The following STC2 variants were observed in gnomAD, a reference collection of about 807,000 sequenced individuals.
The protein encoded by STC2 is stanniocalcin-2.
In STC2, 7 loss-of-function variants were observed where a neutral mutation model predicts 22.7. The ratio of observed to expected loss-of-function variants is 0.31; its 90% CI spans 0.18 to 0.58. STC2 has a LOEUF of 0.58. STC2 is among the 20% of genes least tolerant of loss of function. STC2 has a pLI of 0.89. For missense variants in STC2, 336 were observed against 406.2 expected (o/e 0.83, Z 1.48); for synonymous variants, 158 against 163.4 (o/e 0.97, Z 0.25).
In STC2 at chr5:173,326,028, T is replaced by C; in HGVS notation, c.152-18A>G. On this transcript the variant is annotated intron_variant, in intron 1 of 3. Transcript: ENST00000265087. ...GATCTCCGCTAAAAGGAAAATCACA[T>C]ACAAATATATACAAAACTCTAACCC... is the stretch of plus-strand genomic sequence containing the variant. 1.2e-6 allele frequency: 2 copies of C among 1,612,948 alleles called. No individual in the cohort carries two copies. Among genetic ancestry groups the C allele is most frequent in the Non-Finnish European group, 1.7e-6 (2 of 1,179,036 alleles).
intron 2 of STC2, among the ~76,000 whole-genome samples, chr5:173,324,829 G>C (rs1037311612): frequency 2.6e-5 from 4 of 152,154 alleles, no homozygotes; most frequent in Non-Finnish European, 5.9e-5. Flanking sequence ...CCTAATTCCC[G>C]TTAATCCAGA....
chr5:173,325,889 G>A lies in STC2; in HGVS notation c.273C>T (p.Asn91=), dbSNP rs748039896. 14 of 1,614,168 alleles carry A rather than the reference G, an allele frequency of 8.7e-6. No homozygotes were observed. The highest frequency in any genetic ancestry group is 1.1e-5 in the Non-Finnish European group (13 of 1,180,040). Residue 91 remains asparagine, a synonymous_variant, in exon 2 of 4, where the codon AAC becomes AAT. Transcript: ENST00000265087. This position sits in a 1 kb window ranked among gnomAD's most constrained non-coding sequence, Gnocchi z 4.7. ...LHGICMTFLH[N]AGKFDAQGKS... ...TTACCTGGGCATCAAATTTTCCAGC[G>A]TTGTGCAGAAAAGTCATGCAAATCC...
intron 3 of STC2, among the ~76,000 whole-genome samples, chr5:173,321,771 G>A (rs1762489063): frequency 6.6e-6 from 1 of 152,160 alleles, no homozygotes; most frequent in South Asian, 2.1e-4. Flanking sequence ...GATAACCCAT[G>A]TAAAGGCCCT....
intron 3 of STC2, among the ~76,000 whole-genome samples, chr5:173,319,279 C>T (rs965247926): frequency 1.3e-5 from 2 of 152,234 alleles, no homozygotes; most frequent in African/African-American, 4.8e-5. Context: ...AATGGGCTCT[C>T]ATGGGCCACT....
Position 173,328,324 on chromosome 5 carries a change from C to T in STC2, c.-131G>A, listed in dbSNP as rs1025275361. ...CCTTTTTGCTCGCCTTTTCCCTCCT[C>T]CTCGCGGCCGCGGCTCGGATAGAGG... On this transcript the variant is annotated 5_prime_UTR_variant, in exon 1 of 4. Coordinates refer to ENST00000265087, the MANE Select transcript of STC2 (RefSeq NM_003714.3). 5.6e-6 allele frequency: 6 copies of T among 1,078,860 alleles called. No individual in the cohort carries two copies. Among genetic ancestry groups the T allele is most frequent in the Non-Finnish European group, 7.4e-6 (6 of 806,256 alleles). 66.8% of individuals were successfully genotyped at this position (1,078,860 alleles called of 1,614,324 possible).
chr5:173,326,042 A>G (rs766693155), intron 1 of STC2, 32 bp from the exon 2 acceptor site: 2 of 1,611,942 alleles, frequency 1.2e-6, no homozygotes, highest in Admixed American at 1.7e-5. Flanking sequence ...AATATATACA[A>G]AACTCTAACC....
In STC2 at chr5:173,315,816, C is replaced by CA. The variant is rs1313694723; in HGVS notation, c.*2030dup. 6.6e-6 allele frequency: 1 copy of CA among 152,222 alleles called. No individual in the cohort carries two copies. Among genetic ancestry groups the CA allele is most frequent in the Non-Finnish European group, 1.5e-5 (1 of 68,052 alleles). The allele number at this position is 152,222 out of a possible 1,614,324, so 9.4% of individuals were successfully genotyped here. A position where few individuals can be genotyped will look rare whatever the true frequency, so the allele number is the denominator to read the frequency against. ...AAGGGCAGAGCTGGATTAAGTGCAC[C>CA]AGCTCTTCTGTTCTCTGCAGCCCCA... On this transcript the variant is annotated 3_prime_UTR_variant, in exon 4 of 4. Coordinates refer to ENST00000265087, the MANE Select transcript of STC2 (RefSeq NM_003714.3).
rs1762405035 is a variant in STC2, at chr5:173,315,150, C to T, written c.*2697G>A. ...AACACTAAATCTTTATTTGGAGATC[C>T]ACATCCTTCCTCAAAGGAAGGCTCA... is the stretch of plus-strand genomic sequence containing the variant. On this transcript the variant is annotated 3_prime_UTR_variant, in exon 4 of 4. Transcript: ENST00000265087. 1 of 151,874 alleles carries T rather than the reference C, an allele frequency of 6.6e-6. No individual in the cohort carries two copies. Among genetic ancestry groups the T allele is most frequent in the African/African-American group, 2.4e-5 (1 of 41,288 alleles). The allele number at this position is 151,874 out of a possible 1,614,324, so 9.4% of individuals were successfully genotyped here.
At chr5:173,327,118 C>T (rs1412995606) in intron 1 of STC2, among the ~76,000 whole-genome samples, 1 of 152,152 alleles carries the variant, frequency 6.6e-6, no homozygotes, top group African/African-American at 2.4e-5. Flanking sequence ...CCGTAAGACC[C>T]CACGCGCCGC....
At chr5:173,322,421 C>T (rs1352888780) in intron 3 of STC2, among the ~76,000 whole-genome samples, 1 of 152,196 alleles carries the variant, frequency 6.6e-6, no homozygotes, top group Non-Finnish European at 1.5e-5. Flanking sequence ...AGAAATGATG[C>T]ATCCTGAATT....
At position 173,315,840 on chromosome 5, in the gene STC2, C is replaced by T. The variant is rs1762414182; in HGVS notation, c.*2007G>A. 1 of 152,270 alleles carries T rather than the reference C, an allele frequency of 6.6e-6. No individual in the cohort carries two copies. The highest frequency in any genetic ancestry group is 6.5e-5 in the Admixed American group (1 of 15,288). 9.4% of individuals were successfully genotyped at this position (152,270 alleles called of 1,614,324 possible). On this transcript the variant is annotated 3_prime_UTR_variant, in exon 4 of 4. Coordinates refer to ENST00000265087, the MANE Select transcript of STC2 (RefSeq NM_003714.3). ...CCAGCTCTTCTGTTCTCTGCAGCCC[C>T]AGATCTTGCTGGGTGCCCAGGGAGC...
At position 173,328,328 on chromosome 5, in the gene STC2, G is replaced by A; in HGVS notation, c.-135C>T. 9.8e-7 allele frequency: 1 copy of A among 1,023,496 alleles called. No homozygotes were observed. The highest frequency in any genetic ancestry group is 1.3e-6 in the Non-Finnish European group (1 of 758,890). The allele number at this position is 1,023,496 out of a possible 1,614,324, so 63.4% of individuals were successfully genotyped here. A position where few individuals can be genotyped will look rare whatever the true frequency, so the allele number is the denominator to read the frequency against. On this transcript the variant is annotated 5_prime_UTR_variant, in exon 1 of 4. Transcript: ENST00000265087. ...TTTGCTCGCCTTTTCCCTCCTCCTCGCGGCCGCGGCTCGGATAGAGGTTAC... is the reference window on the plus strand; with the variant it reads ...TTTGCTCGCCTTTTCCCTCCTCCTCACGGCCGCGGCTCGGATAGAGGTTAC...
chr5:173,316,278 C>T lies in STC2; in HGVS notation c.*1569G>A, dbSNP rs986583244. ...CTAGGACGGCAGAGTTGAGTAGTTT[C>T]GACAGAGACCTCACGGCTCGCCAAA... is the stretch of plus-strand genomic sequence containing the variant. On this transcript the variant is annotated 3_prime_UTR_variant, in exon 4 of 4. Transcript: ENST00000265087. 8 of 152,052 alleles carry T rather than the reference C, an allele frequency of 5.3e-5. No individual in the cohort carries two copies. The highest frequency in any genetic ancestry group is 1.9e-4 in the East Asian group (1 of 5,172). 9.4% of individuals were successfully genotyped at this position (152,052 alleles called of 1,614,324 possible). A position where few individuals can be genotyped will look rare whatever the true frequency, so the allele number is the denominator to read the frequency against.
rs1762415200 is a variant in STC2, at chr5:173,315,910, C to A, written c.*1937G>T. ...GTGGGGTTTCCTCCCTTCCCCCAAC[C>A]AATGATTCCCCTCCCCACCCAACCG... is the stretch of plus-strand genomic sequence containing the variant. On this transcript the variant is annotated 3_prime_UTR_variant, in exon 4 of 4. Transcript: ENST00000265087. 1 of 152,310 alleles carries A rather than the reference C, an allele frequency of 6.6e-6. No individual in the cohort carries two copies. The highest frequency in any genetic ancestry group is 1.5e-5 in the Non-Finnish European group (1 of 68,102). The allele number at this position is 152,310 out of a possible 1,614,324, so 9.4% of individuals were successfully genotyped here.
In STC2 at chr5:173,320,494, G is replaced by T. The variant is rs149916054; in HGVS notation, c.507-2245C>A. ...GACAAAGTCCAGCTCGTTCAACTGG[G>T]TGTCAGCAAGCCTAAAGGATTTTAA... is the stretch of plus-strand genomic sequence containing the variant. On this transcript the variant is annotated intron_variant, in intron 3 of 3. Transcript: ENST00000265087. Among the ~76,000 whole-genome samples the T allele has an allele frequency of 5.6e-3, 856 of 152,304 alleles. 3 individuals carry two copies. The highest frequency in any genetic ancestry group is 0.02 in the African/African-American group (818 of 41,546).
intron 1 of STC2, among the ~76,000 whole-genome samples, chr5:173,327,787 C>T (rs1214417991): frequency 6.6e-6 from 1 of 152,232 alleles, no homozygotes; most frequent in African/African-American, 2.4e-5. Context: ...CATTTCCCCT[C>T]GACCCTGGGG....
chr5:173,327,930 T>G, intron 1 of STC2, 113 bp downstream of exon 1: 1 of 1,326,894 alleles, frequency 7.5e-7, no homozygotes, highest in Non-Finnish European at 9.8e-7. Flanking sequence ...ATCCCAAGAG[T>G]TTGCGTGGCC....
At chr5:173,324,895 T>C (rs1328307526) in intron 2 of STC2, among the ~76,000 whole-genome samples, 1 of 152,350 alleles carries the variant, frequency 6.6e-6, no homozygotes. Flanking sequence ...TTTCCTTCCC[T>C]GGTTTCAGTT....
At chr5:173,326,808 G>C (rs1394145825) in intron 1 of STC2, 1 of 152,228 alleles carries the variant, frequency 6.6e-6, no homozygotes, top group Non-Finnish European at 1.5e-5. Context: ...GACGGAGGGA[G>C]TTAACTGTCA....
Sources: allele counts gnomAD v4.1 joint callset (sites outside exome capture counted in the v4.1 genomes callset), GRCh38; gene constraint gnomAD v4.1.1; non-coding constraint Gnocchi (gnomAD v3.1); transcripts MANE v1.5; gene names NCBI Gene and HGNC (gene_info 2026-07-23, HGNC 2026-07-21).